The following OPRM1 variants were observed in gnomAD, a reference collection of about 807,000 sequenced individuals.
The protein encoded by OPRM1 is mu-type opioid receptor.
A neutral mutation model predicts 31.8 loss-of-function variants in OPRM1; 27 were observed. The observed-to-expected ratio is 0.85, with a 90% confidence interval of 0.63 to 1.17. The LOEUF (loss-of-function observed/expected upper bound fraction) is 1.17. OPRM1 is among the 50% of genes most tolerant of loss of function. The pLI, the probability that OPRM1 is intolerant of heterozygous loss-of-function variation, is 0.00. For missense variants in OPRM1, 536 were observed against 511.1 expected (o/e 1.05, Z -0.47); for synonymous variants, 196 against 189.9 (o/e 1.03, Z -0.26).
At chr6:154,092,662 C>G (rs933685269) in intron 3 of OPRM1, among the ~76,000 whole-genome samples, 4 of 152,162 alleles carry the variant, frequency 2.6e-5, no homozygotes, top group Non-Finnish European at 4.4e-5. Context: ...CCCTCTTTAC[C>G]CCACTCTGCC....
At chr6:154,034,631 A>C (rs1779198387), upstream of OPRM1, among the ~76,000 whole-genome samples, 1 of 152,130 alleles carries the variant, frequency 6.6e-6, no homozygotes, top group African/African-American at 2.4e-5. Context: ...GAAGTGATAG[A>C]CTGTGATAAA....
intron 1 of OPRM1, among the ~76,000 whole-genome samples, chr6:154,015,024 A>ACATTT (rs1777926261): frequency 3.4e-5 from 5 of 146,300 alleles, no homozygotes; most frequent in African/African-American, 1.2e-4. Context: ...CACTCTTCAA[A>ACATTT]GACACAAAAG....
At chr6:154,163,251 C>T (rs1390981903) in intron 3 of OPRM1, among the ~76,000 whole-genome samples, 2 of 152,220 alleles carry the variant, frequency 1.3e-5, no homozygotes, top group African/African-American at 4.8e-5. Flanking sequence ...TACATTACAG[C>T]TACCTTGACC....
chr6:154,083,943 C>CA (rs57976654), intron 1 of OPRM1, among the ~76,000 whole-genome samples: 12,797 of 34,922 alleles, frequency 0.37, 2,917 homozygotes, highest in East Asian at 0.73. Context: ...GACTCCGTCT[C>CA]AAAAAAAAAA....
chr6:154,174,183 G>C (rs1800107614), intron 3 of OPRM1, among the ~76,000 whole-genome samples: 1 of 152,104 alleles, frequency 6.6e-6, no homozygotes, highest in Admixed American at 6.5e-5. Context: ...TACTAAACAT[G>C]GAAAGACACA....
chr6:154,152,344 AAAGGAAAGAAAG>A, intron 3 of OPRM1, among the ~76,000 whole-genome samples: 1 of 11,420 alleles, frequency 8.8e-5, no homozygotes, highest in Admixed American at 1.0e-3. Flanking sequence ...AGAAAGAAAG[AAAGGAAAGAAAG>A]AAAGAAAGAA....
intron 3 of OPRM1, among the ~76,000 whole-genome samples, chr6:154,094,499 G>T (rs1165199281): frequency 1.3e-5 from 2 of 152,230 alleles, no homozygotes; most frequent in Non-Finnish European, 2.9e-5. Context: ...GCTGGGCTTG[G>T]CTGGACCGTT....
chr6:154,062,793 G>A (rs552811393), intron 1 of OPRM1, among the ~76,000 whole-genome samples: 1 of 152,108 alleles, frequency 6.6e-6, no homozygotes, highest in African/African-American at 2.4e-5. Context: ...TTCATTAAAT[G>A]TCAAAATATT....
chr6:154,236,412 T>C (rs1780137915), intron 3 of OPRM1, among the ~76,000 whole-genome samples: 1 of 152,168 alleles, frequency 6.6e-6, no homozygotes, highest in Non-Finnish European at 1.5e-5. Flanking sequence ...TGGAGACTTA[T>C]TATTTAATAG....
At chr6:154,066,301 C>T (rs923624870) in intron 1 of OPRM1, among the ~76,000 whole-genome samples, 1 of 151,962 alleles carries the variant, frequency 6.6e-6, no homozygotes, top group Non-Finnish European at 1.5e-5. Context: ...TTAGGAAGTG[C>T]TCTCTCCTCT....
At chr6:154,072,315 T>C (rs1469185381) in intron 1 of OPRM1, among the ~76,000 whole-genome samples, 1 of 151,102 alleles carries the variant, frequency 6.6e-6, no homozygotes, top group Non-Finnish European at 1.5e-5. Context: ...TTGAAGGTGG[T>C]CTCTGAACTC....
At chr6:154,172,769 T>C (rs1297496173) in intron 3 of OPRM1, among the ~76,000 whole-genome samples, 1 of 152,214 alleles carries the variant, frequency 6.6e-6, no homozygotes, top group Non-Finnish European at 1.5e-5. Flanking sequence ...CTTCTGCAGA[T>C]TTAAGTGTCC....
At chr6:154,086,664 C>T (rs1380418590) in intron 1 of OPRM1, 9 of 984,398 alleles carry the variant, frequency 9.1e-6, no homozygotes, top group Non-Finnish European at 1.1e-5. Context: ...CTAAAATAAG[C>T]CTGAAGGAAA....
chr6:154,059,376 G>A (rs573301944), intron 1 of OPRM1, among the ~76,000 whole-genome samples: 1 of 152,172 alleles, frequency 6.6e-6, no homozygotes, highest in East Asian at 1.9e-4. Flanking sequence ...TAAAGGTGCT[G>A]TCATAATCTG....
At position 154,120,222 on chromosome 6, in the gene OPRM1, A is replaced by AT. The variant is rs1797230662; in HGVS notation, c.*1507dup. ...TTGTAGACTCCATTGTAAAATTTGTATTTTTTCATCAATCTGACAAGGCAC... is the reference window on the plus strand; with the variant it reads ...TTGTAGACTCCATTGTAAAATTTGTATTTTTTTCATCAATCTGACAAGGCAC... On this transcript the variant is annotated 3_prime_UTR_variant, in exon 4 of 4. Coordinates refer to ENST00000330432, the MANE Select transcript of OPRM1 (RefSeq NM_000914.5). Among the ~76,000 whole-genome samples the AT allele has an allele frequency of 6.6e-6, 1 of 152,116 alleles. No individual in the cohort carries two copies. Among genetic ancestry groups the AT allele is most frequent in the South Asian group, 2.1e-4 (1 of 4,826 alleles).
chr6:154,059,065 C>A (rs1219241239), intron 1 of OPRM1, among the ~76,000 whole-genome samples: 3 of 152,154 alleles, frequency 2.0e-5, no homozygotes, highest in Non-Finnish European at 4.4e-5. Context: ...GGATGGCTGA[C>A]AGGTATATTA....
At chr6:154,080,446 T>C in intron 1 of OPRM1, among the ~76,000 whole-genome samples, 1 of 152,242 alleles carries the variant, frequency 6.6e-6, no homozygotes, top group South Asian at 2.1e-4. Flanking sequence ...CTTACAAAAA[T>C]GTGTGTACGA....
chr6:154,103,142 G>T (rs755326043), intron 3 of OPRM1, among the ~76,000 whole-genome samples: 4 of 152,124 alleles, frequency 2.6e-5, no homozygotes, highest in Admixed American at 6.6e-5. Flanking sequence ...ACATTAAGAG[G>T]AGTTGTGGAC....
chr6:154,058,950 G>A (rs1321253079), intron 1 of OPRM1, among the ~76,000 whole-genome samples: 1 of 152,184 alleles, frequency 6.6e-6, no homozygotes, highest in Non-Finnish European at 1.5e-5. Context: ...ATGGAAGTCA[G>A]ATTTGAATTG....
Sources: allele counts gnomAD v4.1 joint callset (sites outside exome capture counted in the v4.1 genomes callset), GRCh38; gene constraint gnomAD v4.1.1; transcripts MANE v1.5; gene names NCBI Gene and HGNC (gene_info 2026-07-23, HGNC 2026-07-21).